SLC22A23: variants seen among roughly 807,000 people sequenced by gnomAD.
The protein encoded by SLC22A23 is solute carrier family 22 member 23.
SLC22A23 carries 26 observed loss-of-function variants against 61.0 expected under a neutral mutation model. The ratio of observed to expected loss-of-function variants is 0.43; its 90% CI spans 0.31 to 0.59. SLC22A23 has a LOEUF of 0.59. SLC22A23 is among the 20% of genes least tolerant of loss of function. SLC22A23 has a pLI of 0.11. For synonymous variants in SLC22A23, 430 were observed against 413.9 expected (o/e 1.04, Z -0.47); for missense variants, 796 against 934.7 (o/e 0.85, Z 1.94).
At chr6:3,320,799 C>CTA (rs1762904374) in intron 4 of SLC22A23, among the ~76,000 whole-genome samples, 1 of 151,948 alleles carries the variant, frequency 6.6e-6, no homozygotes, top group Non-Finnish European at 1.5e-5. Flanking sequence ...ACCCAGACTC[C>CTA]TATATATATA....
At chr6:3,306,379 T>C (rs1003310970) in intron 4 of SLC22A23, among the ~76,000 whole-genome samples, 1 of 152,230 alleles carries the variant, frequency 6.6e-6, no homozygotes, top group African/African-American at 2.4e-5. Context: ...ATTTGGTTCA[T>C]GCAGCAAAGG....
chr6:3,415,414 G>GC (rs1267437073), intron 2 of SLC22A23, among the ~76,000 whole-genome samples: 18 of 152,128 alleles, frequency 1.2e-4, no homozygotes, highest in Non-Finnish European at 1.5e-4. Context: ...TTCTGCAGCT[G>GC]CCCCTTAGTG....
chr6:3,405,193 G>A lies in SLC22A23; in HGVS notation c.913+4995C>T, dbSNP rs146310382. 2.2e-4 allele frequency among the ~76,000 whole-genome samples: 34 copies of A among 152,114 alleles called. No homozygotes were observed. In the East Asian group the frequency reaches 2.9e-3, roughly 13 times the overall value. On this transcript the variant is annotated intron_variant, in intron 3 of 9. Coordinates refer to ENST00000406686, the MANE Select transcript of SLC22A23 (RefSeq NM_015482.2). ...GGAGAATCACTTGAACCTGGGGGGC[G>A]GAGGTTGTAGCGAGCTGAGATGGCA... is the stretch of plus-strand genomic sequence containing the variant.
rs189271152 is a variant in SLC22A23, at chr6:3,453,451, G to C, written c.654+2455C>G. On this transcript the variant is annotated intron_variant, in intron 1 of 9. Coordinates refer to ENST00000406686, the MANE Select transcript of SLC22A23 (RefSeq NM_015482.2). ...ATGTTAGAGATATCATGCAGAAGGCGAGAGAGGCTGGTCAGCCCTAAGATC... is the reference window on the plus strand; with the variant it reads ...ATGTTAGAGATATCATGCAGAAGGCCAGAGAGGCTGGTCAGCCCTAAGATC... Among the ~76,000 whole-genome samples the C allele has an allele frequency of 7.2e-5, 11 of 152,268 alleles. No individual in the cohort carries two copies. In the East Asian group the frequency reaches 2.1e-3, roughly 29 times the overall value.
At chr6:3,306,824 G>T (rs1018901539) in intron 4 of SLC22A23, among the ~76,000 whole-genome samples, 1 of 152,174 alleles carries the variant, frequency 6.6e-6, no homozygotes, top group Non-Finnish European at 1.5e-5. Flanking sequence ...CTAAAGAGCC[G>T]TTCAGGACAA....
intron 3 of SLC22A23, among the ~76,000 whole-genome samples, chr6:3,388,161 C>T (rs763569292): frequency 6.6e-6 from 1 of 152,162 alleles, no homozygotes; most frequent in Non-Finnish European, 1.5e-5. Context: ...GTTCATTCAA[C>T]AAAGAACGAA....
At position 3,270,809 on chromosome 6, in the gene SLC22A23, G is replaced by A. The variant is rs1246022142; in HGVS notation, c.*2246C>T. On this transcript the variant is annotated 3_prime_UTR_variant, in exon 10 of 10. Coordinates refer to ENST00000406686, the MANE Select transcript of SLC22A23 (RefSeq NM_015482.2). Reference sequence around the variant, plus strand: ...TTGCCACCAACTTCCTAGAGATTTCGGGCAGCACTCTACAGCTTCAATTTC... The same window carrying A: ...TTGCCACCAACTTCCTAGAGATTTCAGGCAGCACTCTACAGCTTCAATTTC... The A allele has an allele frequency of 6.6e-6, 1 of 152,030 alleles. No individual in the cohort carries two copies. Among genetic ancestry groups the A allele is most frequent in the Non-Finnish European group, 1.5e-5 (1 of 67,988 alleles). The allele number at this position is 152,030 out of a possible 1,614,324, so 9.4% of individuals were successfully genotyped here.
At chr6:3,316,802 A>G (rs959355966) in intron 4 of SLC22A23, among the ~76,000 whole-genome samples, 2 of 152,088 alleles carry the variant, frequency 1.3e-5, no homozygotes, top group African/African-American at 4.8e-5. Context: ...ATGTGTGGCT[A>G]ATTTTTTAAA....
At chr6:3,393,999 T>C (rs1333391456) in intron 3 of SLC22A23, among the ~76,000 whole-genome samples, 1 of 151,844 alleles carries the variant, frequency 6.6e-6, no homozygotes, top group Non-Finnish European at 1.5e-5. Flanking sequence ...AAAGGAAAAA[T>C]GCCAAAAAGG....
At chr6:3,401,348 C>T (rs1332975863) in intron 3 of SLC22A23, among the ~76,000 whole-genome samples, 2 of 151,660 alleles carry the variant, frequency 1.3e-5, no homozygotes, top group African/African-American at 2.4e-5. Context: ...AAAACAAAAA[C>T]AAAAACAAAA....
At chr6:3,433,907 G>T (rs1453236791) in intron 1 of SLC22A23, among the ~76,000 whole-genome samples, 1 of 152,168 alleles carries the variant, frequency 6.6e-6, no homozygotes, top group Non-Finnish European at 1.5e-5. Flanking sequence ...TAGGGTGAAG[G>T]AAATACCTTA....
chr6:3,372,967 T>A lies in SLC22A23; in HGVS notation c.913+37221A>T, dbSNP rs934445317. 6.6e-6 allele frequency among the ~76,000 whole-genome samples: 1 copy of A among 152,228 alleles called. No individual in the cohort carries two copies. The highest frequency in any genetic ancestry group is 1.5e-5 in the Non-Finnish European group (1 of 68,040). On this transcript the variant is annotated intron_variant, in intron 3 of 9. Coordinates refer to ENST00000406686, the MANE Select transcript of SLC22A23 (RefSeq NM_015482.2). This position sits in a 1 kb window ranked among gnomAD's most constrained non-coding sequence, Gnocchi z 4.7. The stretch of plus-strand genomic sequence containing the variant: ...TATCATGCAGGAAAGAATTAACCCA[T>A]GAGTTCTGAGGCTGCTCTGCTTAGG...
rs1010327158 is a variant in SLC22A23 at position 3,371,022 on chromosome 6, C to T, written c.913+39166G>A. Among the ~76,000 whole-genome samples the T allele has an allele frequency of 7.9e-5, 12 of 152,220 alleles. 1 individual carries two copies. Among genetic ancestry groups the T allele is most frequent in the Admixed American group, 6.5e-4 (10 of 15,288 alleles). On this transcript the variant is annotated intron_variant, in intron 3 of 9. Transcript: ENST00000406686. ...CCTCTGCACCTCACTTTCCTCTCCT[C>T]GAGCTGACGAGGATGTTATTTTGAT...
At position 3,390,034 on chromosome 6, in the gene SLC22A23, G is replaced by A. The variant is rs538887720; in HGVS notation, c.913+20154C>T. 6.6e-6 allele frequency among the ~76,000 whole-genome samples: 1 copy of A among 152,308 alleles called. No homozygotes were observed. Among genetic ancestry groups the A allele is most frequent in the East Asian group, 1.9e-4 (1 of 5,180 alleles). On this transcript the variant is annotated intron_variant, in intron 3 of 9. Transcript: ENST00000406686. The surrounding 1 kb of genome is among the most constrained non-coding windows in gnomAD (Gnocchi z 4.0). Reference sequence around the variant, plus strand: ...ATCATCACTTTGCATTTCAAAAAAAGGCCTGGTTTGGGATGAAATGAACAG... The same window carrying A: ...ATCATCACTTTGCATTTCAAAAAAAAGCCTGGTTTGGGATGAAATGAACAG...
chr6:3,337,949 G>A (rs912461860), intron 3 of SLC22A23, among the ~76,000 whole-genome samples: 3 of 152,182 alleles, frequency 2.0e-5, no homozygotes, highest in African/African-American at 7.2e-5. Flanking sequence ...TAGAGGCAGG[G>A]CACAAATTTC....
At chr6:3,288,203 G>A (rs1044594375) in intron 6 of SLC22A23, among the ~76,000 whole-genome samples, 14 of 152,164 alleles carry the variant, frequency 9.2e-5, no homozygotes, top group African/African-American at 3.4e-4. Flanking sequence ...TGATGCACCC[G>A]TGGTGCCTCG....
chr6:3,378,949 G>A (rs909987795), intron 3 of SLC22A23, among the ~76,000 whole-genome samples: 14 of 152,076 alleles, frequency 9.2e-5, no homozygotes, highest in Admixed American at 8.5e-4. Flanking sequence ...TTGAGCCACC[G>A]CGCCTGGCCT....
At chr6:3,382,392 C>T (rs1327370772) in intron 3 of SLC22A23, among the ~76,000 whole-genome samples, 1 of 152,240 alleles carries the variant, frequency 6.6e-6, no homozygotes, top group Admixed American at 6.5e-5. Context: ...TGCACTTACG[C>T]CCTAGTCTGA....
At chr6:3,444,704 G>A (rs933290081) in intron 1 of SLC22A23, 13 of 754,506 alleles carry the variant, frequency 1.7e-5, no homozygotes, top group Non-Finnish European at 1.8e-5. Context: ...CCTGTGGCCC[G>A]GTGACCTGTT....
Sources: gnomAD v4.1 joint callset for allele counts (sites outside exome capture counted in the v4.1 genomes callset) on GRCh38, gnomAD v4.1.1 for gene constraint, Gnocchi (gnomAD v3.1) non-coding constraint, MANE v1.5 for transcripts, NCBI Gene and HGNC (gene_info 2026-07-23, HGNC 2026-07-21) for gene names.